Variants in TBC1D16 observed in about 807,000 individuals in gnomAD.
TBC1D16 encodes CTD-2529O21.1.
A neutral mutation model predicts 74.7 loss-of-function variants in TBC1D16; 58 were observed. The observed-to-expected ratio is 0.78, with a 90% confidence interval of 0.63 to 0.97. TBC1D16 has a LOEUF of 0.97. TBC1D16 is among the 50% of genes least tolerant of loss of function. The probability of loss-of-function intolerance (pLI) is 0.00; values close to 1 mark genes in which losing one functional copy is unlikely to be tolerated. For synonymous variants in TBC1D16, 493 were observed against 474.7 expected, an observed-to-expected ratio of 1.04 and a Z score of -0.50; for missense variants, 1,014 against 1,079.5, an observed-to-expected ratio of 0.94 and a Z score of 0.85.
intron 9 of TBC1D16, among the ~76,000 whole-genome samples, chr17:79,946,112 G>A (rs1224878119): frequency 6.6e-6 from 1 of 152,238 alleles, no homozygotes; most frequent in Non-Finnish European, 1.5e-5. Flanking sequence ...AGCTCTCCCA[G>A]CCTGTCATCA....
At position 79,932,634 on chromosome 17, in the gene TBC1D16, T is replaced by C. The variant is rs533167063; in HGVS notation, c.*8225A>G. Reference sequence around the variant, plus strand: ...CACTAGGACCCTGTGTCTTTTTCTATTGTGCTTGTTCATGGCCAGGAATCA... The same window carrying C: ...CACTAGGACCCTGTGTCTTTTTCTACTGTGCTTGTTCATGGCCAGGAATCA... On this transcript the variant is annotated 3_prime_UTR_variant, in exon 12 of 12. Transcript: ENST00000310924. 5 of 152,234 alleles carry C rather than the reference T, an allele frequency of 3.3e-5. No individual in the cohort carries two copies. Among genetic ancestry groups the C allele is most frequent in the Non-Finnish European group, 5.9e-5 (4 of 68,050 alleles). The allele number at this position is 152,234 out of a possible 1,614,324, so 9.4% of individuals were successfully genotyped here.
At chr17:79,982,808 G>T (rs780301855) in intron 3 of TBC1D16, among the ~76,000 whole-genome samples, 1 of 152,208 alleles carries the variant, frequency 6.6e-6, no homozygotes, top group Non-Finnish European at 1.5e-5. Flanking sequence ...GCAGTGAGCC[G>T]AGATCACGTC....
At chr17:79,970,849 AAC>A (rs1192837246) in intron 3 of TBC1D16, among the ~76,000 whole-genome samples, 3 of 29,724 alleles carry the variant, frequency 1.0e-4, no homozygotes, top group African/African-American at 2.6e-4. Context: ...CCAGTGCAAA[AAC>A]AGCGCCACCC....
chr17:80,019,856 T>A (rs1046864009), intron 1 of TBC1D16, among the ~76,000 whole-genome samples: 1 of 149,764 alleles, frequency 6.7e-6, no homozygotes, highest in Non-Finnish European at 1.5e-5. Flanking sequence ...ATAAATATAT[T>A]TTCCCAGGTG....
chr17:79,942,334 C>T (rs1434117752), intron 10 of TBC1D16, 128 bp from the exon 11 acceptor site: 13 of 1,078,488 alleles, frequency 1.2e-5, no homozygotes, highest in South Asian at 1.6e-5. Context: ...CAGCCCAGCT[C>T]GGGGGCCGTG....
chr17:79,936,055 G>A lies in TBC1D16; in HGVS notation c.*4804C>T, dbSNP rs1359165086. On this transcript the variant is annotated 3_prime_UTR_variant, in exon 12 of 12. Coordinates refer to ENST00000310924, the MANE Select transcript of TBC1D16 (RefSeq NM_019020.4). ...CTCCTGGTTCTAATGCTCAGACCCA[G>A]GAGGCAGAGTCCGCAGCCCGAGGGA... The A allele has an allele frequency of 6.6e-6, 1 of 152,232 alleles. No individual in the cohort carries two copies. Among genetic ancestry groups the A allele is most frequent in the Non-Finnish European group, 1.5e-5 (1 of 68,042 alleles). The allele number at this position is 152,232 out of a possible 1,614,324, so 9.4% of individuals were successfully genotyped here.
chr17:80,006,444 G>A (rs929378922), intron 3 of TBC1D16, among the ~76,000 whole-genome samples: 7 of 152,056 alleles, frequency 4.6e-5, no homozygotes, highest in East Asian at 1.9e-4. Context: ...GCTCTACAGC[G>A]TCTAGGACAA....
In TBC1D16 at chr17:79,993,977, T is replaced by A. The variant is rs2035172655; in HGVS notation, c.779+16183A>T. 6.6e-6 allele frequency among the ~76,000 whole-genome samples: 1 copy of A among 152,134 alleles called. No individual in the cohort carries two copies. Among genetic ancestry groups the A allele is most frequent in the African/African-American group, 2.4e-5 (1 of 41,426 alleles). ...CGGTGGAAAAGGCTGACAAGTTTCA[T>A]TTCCCTGACCTTGGACAGCCCTCCT... is the stretch of plus-strand genomic sequence containing the variant. On this transcript the variant is annotated intron_variant, in intron 3 of 11. Transcript: ENST00000310924. This position sits in a 1 kb window ranked among gnomAD's most constrained non-coding sequence, Gnocchi z 5.1.
intron 3 of TBC1D16, among the ~76,000 whole-genome samples, chr17:79,972,791 T>C (rs1416872658): frequency 6.6e-6 from 1 of 152,142 alleles, no homozygotes; most frequent in African/African-American, 2.4e-5. Context: ...CACTTACAAA[T>C]GATTAAGGCT....
chr17:80,031,868 G>A (rs2036787642), intron 1 of TBC1D16, among the ~76,000 whole-genome samples: 1 of 152,192 alleles, frequency 6.6e-6, no homozygotes, highest in Non-Finnish European at 1.5e-5. Flanking sequence ...TGTAAACATG[G>A]AGGCCTAAAG....
rs113443487 is a variant in TBC1D16 at position 79,956,505 on chromosome 17, T to C, written c.780-3687A>G. Reference sequence around the variant, plus strand: ...CTGAGCTCAAGCGATCTGTCTGCCTTGGCCTCCCAAAGTGCTGGGACTACA... The same window carrying C: ...CTGAGCTCAAGCGATCTGTCTGCCTCGGCCTCCCAAAGTGCTGGGACTACA... On this transcript the variant is annotated intron_variant, in intron 3 of 11. Transcript: ENST00000310924. This position sits in a 1 kb window ranked among gnomAD's most constrained non-coding sequence, Gnocchi z 4.0. 0.05 allele frequency among the ~76,000 whole-genome samples: 7,589 copies of C among 152,102 alleles called. 608 individuals are homozygous for C. The highest frequency in any genetic ancestry group is 0.17 in the African/African-American group (7,130 of 41,478).
chr17:79,987,213 C>T lies in TBC1D16; in HGVS notation c.779+22947G>A, dbSNP rs952873159. Reference sequence around the variant, plus strand: ...CAGAGCGTCTCGGTCTGGGTGGGAGCGGGGAATAAGCATTTCTTTAAGGAA... The same window carrying T: ...CAGAGCGTCTCGGTCTGGGTGGGAGTGGGGAATAAGCATTTCTTTAAGGAA... On this transcript the variant is annotated intron_variant, in intron 3 of 11. Transcript: ENST00000310924. This position sits in a 1 kb window ranked among gnomAD's most constrained non-coding sequence, Gnocchi z 5.2. 2.0e-5 allele frequency among the ~76,000 whole-genome samples: 3 copies of T among 151,800 alleles called. No individual in the cohort carries two copies. The highest frequency in any genetic ancestry group is 4.8e-5 in the African/African-American group (2 of 41,298).
At chr17:80,029,776 G>A (rs2036712034) in intron 1 of TBC1D16, among the ~76,000 whole-genome samples, 1 of 152,114 alleles carries the variant, frequency 6.6e-6, no homozygotes, top group Non-Finnish European at 1.5e-5. Context: ...AAACTTACCA[G>A]CTACAACACA....
At chr17:79,946,335 C>G (rs1202186547) in intron 9 of TBC1D16, among the ~76,000 whole-genome samples, 1 of 152,228 alleles carries the variant, frequency 6.6e-6, no homozygotes, top group Non-Finnish European at 1.5e-5. Flanking sequence ...TTCTCGCGTT[C>G]GAGCTTCTGT....
chr17:79,941,176 G>C lies in TBC1D16; in HGVS notation c.2056-69C>G. 1 of 1,458,682 alleles carries C rather than the reference G, an allele frequency of 6.9e-7. No individual in the cohort carries two copies. Among genetic ancestry groups the C allele is most frequent in the Non-Finnish European group, 9.2e-7 (1 of 1,084,990 alleles). 90.4% of individuals were successfully genotyped at this position (1,458,682 alleles called of 1,614,324 possible). ...CTGGCAGCCTAGGGTCCCCATGGGA[G>C]TGGCCAAAGACAGCAACAGCAGCAA... is the stretch of plus-strand genomic sequence containing the variant. On this transcript the variant is annotated intron_variant, in intron 11 of 11. Coordinates refer to ENST00000310924, the MANE Select transcript of TBC1D16 (RefSeq NM_019020.4). This position sits in a 1 kb window ranked among gnomAD's most constrained non-coding sequence, Gnocchi z 4.3.
chr17:80,023,632 G>C, intron 1 of TBC1D16, among the ~76,000 whole-genome samples: 1 of 147,864 alleles, frequency 6.8e-6, no homozygotes, highest in East Asian at 2.0e-4. Context: ...CCTCGGTGCA[G>C]GCCAGGAGCG....
intron 3 of TBC1D16, among the ~76,000 whole-genome samples, chr17:79,966,961 A>C (rs1434471511): frequency 1.3e-5 from 2 of 152,234 alleles, no homozygotes; most frequent in African/African-American, 4.8e-5. Context: ...GAAACACAAG[A>C]TCATCTCAAC....
chr17:79,948,522 G>A (rs1329223125), intron 8 of TBC1D16, among the ~76,000 whole-genome samples: 1 of 152,142 alleles, frequency 6.6e-6, no homozygotes, highest in Non-Finnish European at 1.5e-5. Context: ...GCCAGCCTCT[G>A]GCTCTGTGTG....
At chr17:79,948,728 T>C in intron 8 of TBC1D16, 144 bp downstream of exon 8, 1 of 1,134,280 alleles carries the variant, frequency 8.8e-7, no homozygotes, top group Non-Finnish European at 1.3e-6. Flanking sequence ...ATGAGTAGCG[T>C]ATCCTTCACT....
Sources: allele counts gnomAD v4.1 joint callset (sites outside exome capture counted in the v4.1 genomes callset), GRCh38; gene constraint gnomAD v4.1.1; non-coding constraint Gnocchi (gnomAD v3.1); transcripts MANE v1.5; gene names NCBI Gene and HGNC (gene_info 2026-07-23, HGNC 2026-07-21).